The following GPR157 variants were observed in gnomAD, a reference collection of about 807,000 sequenced individuals.
GPR157 encodes the protein G-protein coupled receptor 157.
Under a neutral mutation model 23.5 loss-of-function variants are expected in GPR157, and 16 were observed. The ratio of observed to expected loss-of-function variants is 0.68; its 90% confidence interval spans 0.46 to 1.04. The LOEUF (loss-of-function observed/expected upper bound fraction) is 1.04. GPR157 is among the 50% of genes least tolerant of loss of function. GPR157 has a pLI of 0.00. For synonymous variants in GPR157, 200 were observed against 221.5 expected (o/e 0.90, Z 0.86); for missense variants, 440 against 460.7 (o/e 0.96, Z 0.41).
rs1457039897 is a variant in GPR157 at position 9,101,239 on chromosome 1, A to C, written c.*3180T>G. ...TTTTTTTTTTTTTTGTATATTTAGTAGAAACAGGGTTTCACCATGTTGGCC... is the reference window on the plus strand; with the variant it reads ...TTTTTTTTTTTTTTGTATATTTAGTCGAAACAGGGTTTCACCATGTTGGCC... On this transcript the variant is annotated 3_prime_UTR_variant, in exon 4 of 4. Coordinates refer to ENST00000377411, the MANE Select transcript of GPR157 (RefSeq NM_024980.5). The C allele has an allele frequency of 1.3e-5, 2 of 150,388 alleles. No homozygotes were observed. Among genetic ancestry groups the C allele is most frequent in the African/African-American group, 4.9e-5 (2 of 40,692 alleles). 9.3% of individuals were successfully genotyped at this position (150,388 alleles called of 1,614,324 possible). A position where few individuals can be genotyped will look rare whatever the true frequency, so the allele number is the denominator to read the frequency against.
intron 1 of GPR157, among the ~76,000 whole-genome samples, chr1:9,113,048 C>T (rs1638548742): frequency 6.6e-6 from 1 of 152,184 alleles, no homozygotes; most frequent in Non-Finnish European, 1.5e-5. Flanking sequence ...ACAGTGACTA[C>T]AGGGTGTCAT....
In GPR157 at chr1:9,111,390, C is replaced by T. The variant is rs373446917; in HGVS notation, c.483G>A (p.Leu161=). The T allele has an allele frequency of 5.6e-6, 9 of 1,614,210 alleles. No individual in the cohort carries two copies. Among genetic ancestry groups the T allele is most frequent in the Middle Eastern group, 1.6e-4 (1 of 6,062 alleles). The part of the protein sequence containing the change: ...DVSVGWCWID[L]EAKDHVLWML... Reference sequence around the variant, plus strand: ...TCCACAGGACATGGTCCTTGGCCTCCAGGTCGATCCAGCACCAGCCCACAG... The same window carrying T: ...TCCACAGGACATGGTCCTTGGCCTCTAGGTCGATCCAGCACCAGCCCACAG... The change falls in exon 2 of 4, where the codon CTG becomes CTA. Residue 161 remains leucine, a synonymous_variant. Transcript: ENST00000377411.
intron 1 of GPR157, among the ~76,000 whole-genome samples, 167 bp from the exon 2 acceptor site, chr1:9,111,656 C>G (rs1316407239): frequency 2.0e-4 from 30 of 152,184 alleles, no homozygotes; most frequent in Admixed American, 2.0e-3. Flanking sequence ...GCCCTGGGAG[C>G]CTGGCTCTAC....
intron 2 of GPR157, among the ~76,000 whole-genome samples, chr1:9,107,645 C>T (rs951471319): frequency 6.6e-6 from 1 of 151,298 alleles, no homozygotes; most frequent in Non-Finnish European, 1.5e-5. Flanking sequence ...TTAGGCTAGG[C>T]GCGGGCACAG....
chr1:9,111,879 A>G (rs142017710), intron 1 of GPR157, among the ~76,000 whole-genome samples: 4,351 of 152,286 alleles, frequency 0.029, 216 homozygotes, highest in African/African-American at 0.1. Context: ...CTGAGGCAGG[A>G]GAATCATTTG....
Position 9,128,174 on chromosome 1 carries a change from C to T in GPR157, c.383+471G>A. 1 of 431,580 alleles carries T rather than the reference C, an allele frequency of 2.3e-6. No homozygotes were observed. The highest frequency in any genetic ancestry group is 1.7e-5 in the South Asian group (1 of 57,760). 26.7% of individuals were successfully genotyped at this position (431,580 alleles called of 1,614,324 possible). On this transcript the variant is annotated intron_variant, in intron 1 of 3. Coordinates refer to ENST00000377411, the MANE Select transcript of GPR157 (RefSeq NM_024980.5). This position sits in a 1 kb window ranked among gnomAD's most constrained non-coding sequence, Gnocchi z 6.3. ...ACTGTACAGCAGAGACACGGCAGCT[C>T]GGGAGTGGCGGAGTGCACCAAGCTC... is the stretch of plus-strand genomic sequence containing the variant.
rs191109275 is a variant in GPR157, at chr1:9,101,724, A to C, written c.*2695T>G. ...CGGAGCAGGTATTTTCTGAGCCCTC[A>C]GCTCCCTCTACAGGCCTTTCCTGAC... On this transcript the variant is annotated 3_prime_UTR_variant, in exon 4 of 4. Coordinates refer to ENST00000377411, the MANE Select transcript of GPR157 (RefSeq NM_024980.5). The C allele has an allele frequency of 3.2e-4, 48 of 152,354 alleles. No individual in the cohort carries two copies. The highest frequency in any genetic ancestry group is 9.4e-4 in the African/African-American group (39 of 41,582). The allele number at this position is 152,354 out of a possible 1,614,324, so 9.4% of individuals were successfully genotyped here.
At chr1:9,113,956 AACACACACACACACACACACACACAC>A (rs35650719) in intron 1 of GPR157, among the ~76,000 whole-genome samples, 158 of 121,894 alleles carry the variant, frequency 1.3e-3, no homozygotes, top group African/African-American at 5.0e-3. Flanking sequence ...AAAAAAACCA[AACACACACACACACACACACACACAC>A]ACACACACAC....
intron 1 of GPR157, among the ~76,000 whole-genome samples, chr1:9,113,823 A>G (rs1638568888): frequency 1.3e-5 from 2 of 151,358 alleles, no homozygotes; most frequent in African/African-American, 4.9e-5. Flanking sequence ...CATGCCTGTA[A>G]TCCCAGCTAC....
intron 1 of GPR157, among the ~76,000 whole-genome samples, chr1:9,127,810 A>T (rs1638997457): frequency 6.6e-6 from 1 of 152,180 alleles, no homozygotes; most frequent in Non-Finnish European, 1.5e-5. Flanking sequence ...GGAGAAGGAG[A>T]AAAGGAAAAC....
rs911674802 is a variant in GPR157 at position 9,128,207 on chromosome 1, C to T, written c.383+438G>A. On this transcript the variant is annotated intron_variant, in intron 1 of 3. Coordinates refer to ENST00000377411, the MANE Select transcript of GPR157 (RefSeq NM_024980.5). The surrounding 1 kb of genome is among the most constrained non-coding windows in gnomAD (Gnocchi z 6.3). ...GCGGAGTGCACCAAGCTCACTGTGGCTTGGGGTGGGGTGGTGGCGTGGGAC... is the reference window on the plus strand; with the variant it reads ...GCGGAGTGCACCAAGCTCACTGTGGTTTGGGGTGGGGTGGTGGCGTGGGAC... 3.3e-5 allele frequency: 15 copies of T among 458,568 alleles called. No homozygotes were observed. Among genetic ancestry groups the T allele is most frequent in the Admixed American group, 1.7e-4 (7 of 41,780 alleles). The allele number at this position is 458,568 out of a possible 1,614,324, so 28.4% of individuals were successfully genotyped here. A position where few individuals can be genotyped will look rare whatever the true frequency, so the allele number is the denominator to read the frequency against.
intron 1 of GPR157, among the ~76,000 whole-genome samples, chr1:9,113,362 A>G (rs1638556867): frequency 1.3e-5 from 2 of 152,196 alleles, no homozygotes; most frequent in African/African-American, 2.4e-5. Context: ...GGCCAGGAGA[A>G]CTGTGCTTCA....
At chr1:9,111,190 C>T (rs1215072154) in intron 2 of GPR157, 86 bp downstream of exon 2, 7 of 1,310,006 alleles carry the variant, frequency 5.3e-6, no homozygotes, top group Admixed American at 3.8e-5. Flanking sequence ...CAACCTGTCC[C>T]CTCGGGGGGC....
At chr1:9,117,285 G>C (rs1569966585) in intron 1 of GPR157, among the ~76,000 whole-genome samples, 1 of 152,192 alleles carries the variant, frequency 6.6e-6, no homozygotes, top group East Asian at 1.9e-4. Flanking sequence ...GGAGATGACA[G>C]TGCCCCAGGT....
chr1:9,103,068 A>C lies in GPR157; in HGVS notation c.*1351T>G, dbSNP rs1216911311. 6.9e-6 allele frequency: 1 copy of C among 144,028 alleles called. No homozygotes were observed. Among genetic ancestry groups the C allele is most frequent in the Non-Finnish European group, 1.5e-5 (1 of 66,718 alleles). The allele number at this position is 144,028 out of a possible 1,614,324, so 8.9% of individuals were successfully genotyped here. A position where few individuals can be genotyped will look rare whatever the true frequency, so the allele number is the denominator to read the frequency against. ...GTAGGGACTACAGGCACGCACCACC[A>C]CATCAGCTCCGGGCGACAGAATGAG... On this transcript the variant is annotated 3_prime_UTR_variant, in exon 4 of 4. Coordinates refer to ENST00000377411, the MANE Select transcript of GPR157 (RefSeq NM_024980.5).
intron 1 of GPR157, among the ~76,000 whole-genome samples, chr1:9,121,127 G>A (rs1638788486): frequency 6.6e-6 from 1 of 152,172 alleles, no homozygotes; most frequent in Admixed American, 6.5e-5. Context: ...GAGGTCAGGA[G>A]TTCGAGACCA....
At chr1:9,125,507 T>A (rs950822106) in intron 1 of GPR157, among the ~76,000 whole-genome samples, 14 of 152,160 alleles carry the variant, frequency 9.2e-5, no homozygotes, top group African/African-American at 3.4e-4. Context: ...CCTCTCTCTG[T>A]AAAGGGGGCC....
At chr1:9,104,914 C>T (rs1007867591) in intron 3 of GPR157, among the ~76,000 whole-genome samples, 2 of 151,780 alleles carry the variant, frequency 1.3e-5, no homozygotes, top group Non-Finnish European at 2.9e-5. Flanking sequence ...GCAGGAGAAT[C>T]GCTTGAACCC....
In GPR157 at chr1:9,128,300, C is replaced by T. The variant is rs182673906; in HGVS notation, c.383+345G>A. ...GTCTCCCAGCCTGTTTCCCCATGGG[C>T]AGCAGAGACAGCCAGGACACAGTGA... On this transcript the variant is annotated intron_variant, in intron 1 of 3. Coordinates refer to ENST00000377411, the MANE Select transcript of GPR157 (RefSeq NM_024980.5). This position sits in a 1 kb window ranked among gnomAD's most constrained non-coding sequence, Gnocchi z 6.3. 1.3e-3 allele frequency: 731 copies of T among 557,768 alleles called. No individual in the cohort carries two copies. The highest frequency in any genetic ancestry group is 2.1e-3 in the Non-Finnish European group (629 of 292,880). 34.6% of individuals were successfully genotyped at this position (557,768 alleles called of 1,614,324 possible).
Sources: allele counts gnomAD v4.1 joint callset (sites outside exome capture counted in the v4.1 genomes callset), GRCh38; gene constraint gnomAD v4.1.1; non-coding constraint Gnocchi (gnomAD v3.1); transcripts MANE v1.5; gene names NCBI Gene and HGNC (gene_info 2026-07-23, HGNC 2026-07-21).